MYLK4: variants seen among roughly 807,000 people sequenced by gnomAD.
The protein encoded by MYLK4 is myosin light chain kinase family member 4.
MYLK4 carries 46 observed loss-of-function variants against 48.1 expected under a neutral mutation model. The ratio of observed to expected loss-of-function variants is 0.96; its 90% CI spans 0.75 to 1.22. The LOEUF (loss-of-function observed/expected upper bound fraction) is 1.22. MYLK4 is among the 50% of genes most tolerant of loss of function. The probability of loss-of-function intolerance (pLI) is 0.00; values close to 1 mark genes in which losing one functional copy is unlikely to be tolerated. For synonymous variants in MYLK4, 170 were observed against 180.8 expected (o/e 0.94, Z 0.48); for missense variants, 451 against 486.1 (o/e 0.93, Z 0.68).
At chr6:2,751,856 C>T (rs956704707), upstream of MYLK4, among the ~76,000 whole-genome samples, 2 of 151,938 alleles carry the variant, frequency 1.3e-5, no homozygotes, top group African/African-American at 2.4e-5. Flanking sequence ...AAACACAAAA[C>T]GCTTGTTATT....
chr6:2,702,279 C>A (rs140360100), intron 2 of MYLK4, among the ~76,000 whole-genome samples: 141 of 152,300 alleles, frequency 9.3e-4, no homozygotes, highest in South Asian at 1.9e-3. Flanking sequence ...GGATGAAAAC[C>A]AAGGCAAACC....
chr6:2,714,234 A>G (rs1397998440), intron 2 of MYLK4, among the ~76,000 whole-genome samples: 2 of 152,240 alleles, frequency 1.3e-5, no homozygotes, highest in East Asian at 3.8e-4. Context: ...GCTCATTAGC[A>G]TAACACATCT....
chr6:2,763,640 G>C, the MYLK4 span, among the ~76,000 whole-genome samples: 8 of 152,222 alleles, frequency 5.3e-5, no homozygotes, highest in Non-Finnish European at 1.0e-4. Context: ...GTTCCCGCCC[G>C]CGCCTCTCCC....
chr6:2,735,559 A>C (rs1049040087), intron 2 of MYLK4, among the ~76,000 whole-genome samples: 4 of 152,248 alleles, frequency 2.6e-5, no homozygotes, highest in Non-Finnish European at 1.5e-5. Context: ...TACACAATTG[A>C]GAATGGACAT....
chr6:2,737,989 G>GGGGA (rs796444548), intron 2 of MYLK4, among the ~76,000 whole-genome samples: 3 of 62,096 alleles, frequency 4.8e-5, no homozygotes, highest in Non-Finnish European at 9.1e-5. Context: ...GGTGGGGGGG[G>GGGGA]GGTGGTCAAT....
chr6:2,751,483 T>C (rs1764285663), upstream of MYLK4, among the ~76,000 whole-genome samples: 1 of 152,216 alleles, frequency 6.6e-6, no homozygotes, highest in African/African-American at 2.4e-5. Context: ...TAAGCAACAC[T>C]AGGACTTCAT....
Position 2,701,880 on chromosome 6 carries a change from G to A in MYLK4, c.160-9021C>T, listed in dbSNP as rs78756997. ...AGAAGCGTTGACCTAGTTAATATAC[G>A]TCATGAATTGGTGCGAAGAATCATT... On this transcript the variant is annotated intron_variant, in intron 2 of 12. Coordinates refer to ENST00000274643, the MANE Select transcript of MYLK4 (RefSeq NM_001012418.5). Among the ~76,000 whole-genome samples the A allele has an allele frequency of 3.3e-3, 506 of 152,298 alleles. 3 individuals carry two copies. Among genetic ancestry groups the A allele is most frequent in the African/African-American group, 0.012 (491 of 41,554 alleles).
intron 4 of MYLK4, among the ~76,000 whole-genome samples, chr6:2,686,876 G>T (rs1257627398): frequency 6.6e-6 from 1 of 152,178 alleles, no homozygotes; most frequent in Non-Finnish European, 1.5e-5. Context: ...TATGGAAATG[G>T]TTTCTCCCCT....
At chr6:2,762,916 T>C in the MYLK4 span, among the ~76,000 whole-genome samples, 2 of 152,172 alleles carry the variant, frequency 1.3e-5, no homozygotes, top group Non-Finnish European at 2.9e-5. Flanking sequence ...GTCTCCACAG[T>C]GAGTATTACC....
At position 2,680,215 on chromosome 6, in the gene MYLK4, A is replaced by G; in HGVS notation, c.758+6T>C. ...CATTCGTACACCTATGTCCAAATAG[A>G]CATACCTTCTGGCCAATCCAAAATC... On this transcript the variant is annotated splice_donor_region_variant and intron_variant, in intron 8 of 12. Coordinates refer to ENST00000274643, the MANE Select transcript of MYLK4 (RefSeq NM_001012418.5). 6.2e-7 allele frequency: 1 copy of G among 1,614,182 alleles called. No individual in the cohort carries two copies. The highest frequency in any genetic ancestry group is 8.5e-7 in the Non-Finnish European group (1 of 1,180,020).
Position 2,691,535 on chromosome 6 carries a change from C to T in MYLK4, c.235+1249G>A, listed in dbSNP as rs185906296. Among the ~76,000 whole-genome samples, 884 of 152,238 alleles carry T rather than the reference C, an allele frequency of 5.8e-3. 4 individuals carry two copies. Among genetic ancestry groups the T allele is most frequent in the Middle Eastern group, 0.02 (6 of 294 alleles). On this transcript the variant is annotated intron_variant, in intron 3 of 12. Coordinates refer to ENST00000274643, the MANE Select transcript of MYLK4 (RefSeq NM_001012418.5). The stretch of plus-strand genomic sequence containing the variant: ...TTCAATAATCTATGTCTTACTTCAT[C>T]CTCACAATATTTGGGAAAATAGGCA...
intron 2 of MYLK4, among the ~76,000 whole-genome samples, chr6:2,697,855 G>C (rs575087350): frequency 5.9e-5 from 9 of 152,326 alleles, no homozygotes; most frequent in African/African-American, 2.2e-4. Flanking sequence ...ACCGAACAGA[G>C]GGTAAAGTTC....
intron 1 of MYLK4, among the ~76,000 whole-genome samples, chr6:2,750,200 G>C (rs1229513425): frequency 6.6e-6 from 1 of 152,078 alleles, no homozygotes; most frequent in African/African-American, 2.4e-5. Flanking sequence ...TCCGAAAAGC[G>C]CCTCTTCGAG....
chr6:2,710,412 C>T (rs1421506551), intron 2 of MYLK4, among the ~76,000 whole-genome samples: 1 of 152,170 alleles, frequency 6.6e-6, no homozygotes, highest in African/African-American at 2.4e-5. Context: ...GAGTTCCTTT[C>T]TCAGGAAACC....
chr6:2,768,725 A>G, the MYLK4 span: 10 of 1,612,926 alleles, frequency 6.2e-6, no homozygotes, highest in African/African-American at 4.0e-5. Context: ...AGCAACAGCA[A>G]GAAACATAGC....
chr6:2,739,434 C>T (rs867230405), intron 2 of MYLK4, among the ~76,000 whole-genome samples: 1 of 152,128 alleles, frequency 6.6e-6, no homozygotes, highest in East Asian at 1.9e-4. Flanking sequence ...ATGAGCTGAC[C>T]CCCGAAGTTC....
the MYLK4 span, chr6:2,765,771 C>T: frequency 2.0e-5 from 30 of 1,464,046 alleles, no homozygotes; most frequent in South Asian, 7.8e-5. Flanking sequence ...CACGCGGAGC[C>T]CGCGGCCGGG....
At chr6:2,696,520 A>G (rs1762067268) in intron 2 of MYLK4, among the ~76,000 whole-genome samples, 1 of 152,212 alleles carries the variant, frequency 6.6e-6, no homozygotes, top group Non-Finnish European at 1.5e-5. Context: ...AGCCCACTAC[A>G]CACTAGTAAC....
rs78581809 is a variant in MYLK4 at position 2,672,592 on chromosome 6, A to C, written c.1120-1244T>G. On this transcript the variant is annotated intron_variant, in intron 11 of 12. Transcript: ENST00000274643. The surrounding 1 kb of genome is among the most constrained non-coding windows in gnomAD (Gnocchi z 4.3). ...AGTTTTGGATCAGAATTAAATTTTC[A>C]ACTTAAAAGTAAATTCTGATTTTGT... Among the ~76,000 whole-genome samples the C allele has an allele frequency of 2.2e-3, 338 of 152,384 alleles. 10 individuals carry two copies. In the East Asian group the frequency reaches 0.04, roughly 18 times the overall value.
Sources: gnomAD v4.1 joint callset for allele counts (sites outside exome capture counted in the v4.1 genomes callset) on GRCh38, gnomAD v4.1.1 for gene constraint, Gnocchi (gnomAD v3.1) non-coding constraint, MANE v1.5 for transcripts, NCBI Gene and HGNC (gene_info 2026-07-23, HGNC 2026-07-21) for gene names.